MACROD2: variants seen among roughly 807,000 people sequenced by gnomAD.
The protein encoded by MACROD2 is mono-ADP ribosylhydrolase 2, also known as ADP-ribose glycohydrolase MACROD2.
In MACROD2, 36 loss-of-function variants were observed where a neutral mutation model predicts 70.4. That is an observed-to-expected ratio of 0.51 (90% confidence interval 0.39 to 0.68). The LOEUF (loss-of-function observed/expected upper bound fraction) is 0.68. MACROD2 is among the 30% of genes least tolerant of loss of function. The pLI is 0.00. For synonymous variants in MACROD2, 172 were observed against 178.8 expected, an observed-to-expected ratio of 0.96 and a Z score of 0.30; for missense variants, 496 against 538.4, an observed-to-expected ratio of 0.92 and a Z score of 0.78.
intron 8 of MACROD2, among the ~76,000 whole-genome samples, chr20:15,678,936 G>C (rs1435333007): frequency 6.6e-6 from 1 of 152,132 alleles, no homozygotes; most frequent in Non-Finnish European, 1.5e-5. Context: ...TGAATGTGGA[G>C]TTGAAAAGAG....
chr20:14,067,715 C>G (rs953260954), intron 2 of MACROD2, among the ~76,000 whole-genome samples: 1 of 152,186 alleles, frequency 6.6e-6, no homozygotes, highest in African/African-American at 2.4e-5. Context: ...CAAACAGCTT[C>G]ACACATAGTC....
chr20:15,985,295 C>T (rs2066463479), intron 13 of MACROD2, among the ~76,000 whole-genome samples: 3 of 152,122 alleles, frequency 2.0e-5, no homozygotes, highest in Admixed American at 2.0e-4. Context: ...GGCACACACA[C>T]ACTTTTACCA....
At chr20:14,860,016 C>A (rs1461782985) in intron 5 of MACROD2, among the ~76,000 whole-genome samples, 1 of 152,072 alleles carries the variant, frequency 6.6e-6, no homozygotes, top group East Asian at 1.9e-4. Flanking sequence ...CATACATTGA[C>A]CCTCTGTTAA....
chr20:15,803,351 A>G (rs1209933929), intron 8 of MACROD2, among the ~76,000 whole-genome samples: 1 of 152,148 alleles, frequency 6.6e-6, no homozygotes, highest in African/African-American at 2.4e-5. Flanking sequence ...TGGACAGTGG[A>G]AAAAGCTACC....
At chr20:14,721,258 A>C (rs1207235750) in intron 5 of MACROD2, among the ~76,000 whole-genome samples, 1 of 151,102 alleles carries the variant, frequency 6.6e-6, no homozygotes, top group Non-Finnish European at 1.5e-5. Context: ...CCATCTCAAA[A>C]AAAAAAAAAA....
At chr20:15,456,213 CATCCATGCCCCA>C (rs1181946776) in intron 7 of MACROD2, among the ~76,000 whole-genome samples, 1 of 152,178 alleles carries the variant, frequency 6.6e-6, no homozygotes, top group Non-Finnish European at 1.5e-5. Flanking sequence ...CTCCCGACAT[CATCCATGCCCCA>C]GCCTCTAGAA....
In MACROD2 at chr20:15,234,012, C is replaced by CTTTTTTTT. The variant is rs1177498607; in HGVS notation, c.540+3981_540+3988dup. ...ATATATATATATATATATATATATT[C>CTTTTTTTT]TTTTTTTTTTTTTTTTTTTTTTTTT... On this transcript the variant is annotated intron_variant, in intron 6 of 17. Coordinates refer to ENST00000684519, the MANE Select transcript of MACROD2 (RefSeq NM_001351661.2). 2.1e-4 allele frequency among the ~76,000 whole-genome samples: 6 copies of CTTTTTTTT among 29,184 alleles called. 2 individuals are homozygous for CTTTTTTTT. Among genetic ancestry groups the CTTTTTTTT allele is most frequent in the Non-Finnish European group, 2.9e-4 (5 of 17,364 alleles). 19.1% of individuals were successfully genotyped at this position (29,184 alleles called of 152,430 possible).
intron 5 of MACROD2, among the ~76,000 whole-genome samples, chr20:14,713,560 A>G (rs1280355292): frequency 6.6e-6 from 1 of 152,136 alleles, no homozygotes; most frequent in Non-Finnish European, 1.5e-5. Flanking sequence ...AGTCCTCCGA[A>G]ACCCTTTCCT....
At chr20:14,303,818 A>G (rs1393514463) in intron 3 of MACROD2, among the ~76,000 whole-genome samples, 1 of 152,120 alleles carries the variant, frequency 6.6e-6, no homozygotes, top group Non-Finnish European at 1.5e-5. Context: ...AAATTTCCCA[A>G]TAGAGTCATA....
At chr20:14,871,051 A>C (rs1177449554) in intron 5 of MACROD2, among the ~76,000 whole-genome samples, 3 of 152,050 alleles carry the variant, frequency 2.0e-5, no homozygotes, top group Non-Finnish European at 4.4e-5. Flanking sequence ...GTACTGGTAT[A>C]CTTGAAAGAG....
chr20:14,158,016 C>G (rs1357221320), intron 3 of MACROD2, among the ~76,000 whole-genome samples: 4 of 152,198 alleles, frequency 2.6e-5, no homozygotes, highest in East Asian at 3.9e-4. Context: ...TCCATAGTGG[C>G]TAGACCAATT....
At chr20:14,902,183 A>G (rs2122553910) in intron 5 of MACROD2, among the ~76,000 whole-genome samples, 1 of 152,320 alleles carries the variant, frequency 6.6e-6, no homozygotes, top group Admixed American at 6.5e-5. Flanking sequence ...CCTTGTAGGA[A>G]TACAATTTTT....
At chr20:15,948,531 T>C (rs2065860995) in intron 12 of MACROD2, among the ~76,000 whole-genome samples, 1 of 151,104 alleles carries the variant, frequency 6.6e-6, no homozygotes, top group Non-Finnish European at 1.5e-5. Context: ...TTCAGAATTC[T>C]CTTGTTTCAG....
intron 5 of MACROD2, among the ~76,000 whole-genome samples, chr20:14,854,476 A>G (rs992023734): frequency 1.3e-5 from 2 of 152,278 alleles, no homozygotes; most frequent in Admixed American, 1.3e-4. Flanking sequence ...CCTACTAAGC[A>G]TGGTTTGGTG....
intron 4 of MACROD2, among the ~76,000 whole-genome samples, chr20:14,668,207 A>C (rs1600518600): frequency 6.6e-6 from 1 of 152,258 alleles, no homozygotes; most frequent in East Asian, 1.9e-4. Context: ...CTCTAGCATA[A>C]AACTTTGTGT....
intron 3 of MACROD2, among the ~76,000 whole-genome samples, chr20:14,472,001 A>C (rs1026548502): frequency 6.6e-6 from 1 of 152,314 alleles, no homozygotes; most frequent in African/African-American, 2.4e-5. Flanking sequence ...AAAGGAGACA[A>C]CTGTTGGTCT....
chr20:14,443,398 G>A (rs1395243026), intron 3 of MACROD2, among the ~76,000 whole-genome samples: 1 of 150,972 alleles, frequency 6.6e-6, no homozygotes, highest in African/African-American at 2.4e-5. Context: ...CTGGGTTCAA[G>A]CGATTCTCTT....
At chr20:15,998,890 A>G (rs2066670334) in intron 15 of MACROD2, among the ~76,000 whole-genome samples, 1 of 152,076 alleles carries the variant, frequency 6.6e-6, no homozygotes, top group African/African-American at 2.4e-5. Flanking sequence ...TTAGTCAGCT[A>G]AAAGTTTGTA....
chr20:15,994,777 T>G (rs1038306907), intron 15 of MACROD2, among the ~76,000 whole-genome samples: 1 of 152,176 alleles, frequency 6.6e-6, no homozygotes, highest in African/African-American at 2.4e-5. Flanking sequence ...TCCATATTTA[T>G]TATTTTTCAG....
Sources: allele counts gnomAD v4.1 joint callset (sites outside exome capture counted in the v4.1 genomes callset), GRCh38; gene constraint gnomAD v4.1.1; transcripts MANE v1.5; gene names NCBI Gene and HGNC (gene_info 2026-07-23, HGNC 2026-07-21).